SYNE2: variants seen among roughly 807,000 people sequenced by gnomAD.
SYNE2 encodes the protein nesprin-2.
A neutral mutation model predicts 856.3 loss-of-function variants in SYNE2; 431 were observed. That is an observed-to-expected ratio of 0.50 (90% confidence interval 0.47 to 0.55). SYNE2 has a LOEUF of 0.55. SYNE2 is among the 20% of genes least tolerant of loss of function. SYNE2 has a pLI of 0.00. For synonymous variants in SYNE2, 2,923 were observed against 2,872.3 expected (o/e 1.02, Z -0.56); for missense variants, 8,129 against 8,023.2 (o/e 1.01, Z -0.50).
At chr14:64,212,186 T>TG in intron 104 of SYNE2, 88 bp downstream of exon 104, 1 of 1,597,972 alleles carries the variant, frequency 6.3e-7, no homozygotes, top group Non-Finnish European at 8.5e-7. Flanking sequence ...CACGATACTC[T>TG]GAGAGCAAAT....
rs2275017 is a variant in SYNE2, at chr14:63,909,170, C to T, written c.22C>T (p.Pro8Ser). 3.6e-4 allele frequency: 579 copies of T among 1,612,932 alleles called. 4 individuals carry two copies. The East Asian group carries it at 0.011, about 31-fold the overall frequency. Residue 8 changes from proline to serine, a missense_variant, in exon 2 of 116, where the codon CCC becomes TCC. This residue lies in a region of SYNE2 where 2,422 missense variants were observed against 2,357.4 expected (regional missense o/e 1.03). Coordinates refer to ENST00000555002, the MANE Select transcript of SYNE2 (RefSeq NM_182914.3). ...AAGAATGGCATCTAGTCCTGAGCTT[C>T]CCACCGAAGATGAACAGGGTTCCTG... MASSPEL[P>S]TEDEQGSWGI...
At chr14:63,828,244 C>A (rs549540989) in intron 1 of SYNE2, among the ~76,000 whole-genome samples, 1 of 151,746 alleles carries the variant, frequency 6.6e-6, no homozygotes, top group African/African-American at 2.4e-5. Flanking sequence ...AGATAACATA[C>A]AACAATAAAA....
At chr14:63,868,430 A>G (rs1245971499) in intron 1 of SYNE2, among the ~76,000 whole-genome samples, 1 of 151,810 alleles carries the variant, frequency 6.6e-6, no homozygotes, top group East Asian at 1.9e-4. Flanking sequence ...AGCCGAGATC[A>G]TGCCACTGCA....
rs187880823 is a variant in SYNE2 at position 63,973,706 on chromosome 14, A to G, written c.1129-2857A>G. ...CTTTTGAGAAAATTAAACTTGCAAG[A>G]TAAAAACAAGCAAAACAAAATGGAA... On this transcript the variant is annotated intron_variant, in intron 11 of 115. Coordinates refer to ENST00000555002, the MANE Select transcript of SYNE2 (RefSeq NM_182914.3). Among the ~76,000 whole-genome samples, 14 of 152,144 alleles carry G rather than the reference A, an allele frequency of 9.2e-5. No individual in the cohort carries two copies. In the East Asian group the frequency reaches 2.5e-3, roughly 27 times the overall value.
At chr14:64,108,212 C>A (rs1245109220) in intron 65 of SYNE2, among the ~76,000 whole-genome samples, 1 of 152,040 alleles carries the variant, frequency 6.6e-6, no homozygotes, top group Non-Finnish European at 1.5e-5. Flanking sequence ...ATTAGCCGGG[C>A]GTGGTGGCAC....
chr14:63,823,804 A>G (rs1182052819), intron 1 of SYNE2, among the ~76,000 whole-genome samples: 1 of 151,796 alleles, frequency 6.6e-6, no homozygotes, highest in Non-Finnish European at 1.5e-5. Flanking sequence ...GCCAGCTAAT[A>G]TTTTTTATTC....
chr14:63,986,709 C>G (rs1266557706), intron 19 of SYNE2, 92 bp downstream of exon 19: 1 of 1,327,232 alleles, frequency 7.5e-7, no homozygotes, highest in Non-Finnish European at 1.1e-6. Context: ...TAGTAATAAG[C>G]CTACAGTTTT....
intron 1 of SYNE2, among the ~76,000 whole-genome samples, chr14:63,856,017 G>T (rs1361614874): frequency 6.6e-6 from 1 of 152,182 alleles, no homozygotes; most frequent in Non-Finnish European, 1.5e-5. Flanking sequence ...GGCATAAGAG[G>T]TTGTAGAGAG....
intron 66 of SYNE2, among the ~76,000 whole-genome samples, chr14:64,115,896 G>A (rs2097850354): frequency 2.0e-5 from 3 of 152,208 alleles, no homozygotes; most frequent in Non-Finnish European, 2.9e-5. Context: ...GCTCACGCCT[G>A]TAATCCCAGC....
intron 1 of SYNE2, among the ~76,000 whole-genome samples, chr14:63,840,504 C>T (rs1336069220): frequency 6.9e-6 from 1 of 144,576 alleles, no homozygotes. Flanking sequence ...CTCCTCCTTC[C>T]TTCCTTCCTT....
Position 63,961,553 on chromosome 14 carries a change from G to A in SYNE2, c.816G>A (p.Lys272=). Residue 272 remains lysine (K), a synonymous_variant, in exon 9 of 116, where the codon AAG becomes AAA. Coordinates refer to ENST00000555002, the MANE Select transcript of SYNE2 (RefSeq NM_182914.3). ...EDVDVVDPDE[K]SIMTYVAQFL... ...TGGATGTTGTTGATCCTGATGAAAA[G>A]TCCATCATGACCTATGTGGCACAGT... 6.2e-7 allele frequency: 1 copy of A among 1,614,034 alleles called. No homozygotes were observed. Among genetic ancestry groups the A allele is most frequent in the Admixed American group, 1.7e-5 (1 of 60,010 alleles).
rs2096961696 is a variant in SYNE2, at chr14:64,024,446, C to G, written c.5827C>G (p.Gln1943Glu). The G allele has an allele frequency of 1.2e-6, 2 of 1,613,668 alleles. No homozygotes were observed. Among genetic ancestry groups the G allele is most frequent in the Non-Finnish European group, 1.7e-6 (2 of 1,179,724 alleles). The part of the protein sequence containing the change: ...ARAKELEDSL[Q>E]QLLRLQDDHR... ...AGCAAAGGAGCTTGAAGACTCCTTG[C>G]AGCAGCTACTGAGGTAGGAAATAAA... The change falls in exon 39 of 116, where the codon CAG becomes GAG. Residue 1943 changes from glutamine to glutamate, a missense_variant. Coordinates refer to ENST00000555002, the MANE Select transcript of SYNE2 (RefSeq NM_182914.3).
rs780016521 is a variant in SYNE2 at position 64,098,034 on chromosome 14, T to C, written c.12194T>C (p.Leu4065Pro). The C allele has an allele frequency of 3.1e-6, 5 of 1,614,210 alleles. No homozygotes were observed. In the East Asian group the frequency reaches 1.1e-4, roughly 36 times the overall value. Residue 4065 changes from leucine to proline, a missense_variant, in exon 62 of 116, where the codon CTA becomes CCA. Physicochemically the swap from Leu to Pro is moderately conservative, Grantham distance 98. Coordinates refer to ENST00000555002, the MANE Select transcript of SYNE2 (RefSeq NM_182914.3). ...DLLVDLKATV[L>P]NLHQHLKQEQ... ...TTGGTGGACTTGAAGGCCACCGTACTAAACCTTCACCAGCATTTGAAGCAA... is the reference window on the plus strand; with the variant it reads ...TTGGTGGACTTGAAGGCCACCGTACCAAACCTTCACCAGCATTTGAAGCAA...
chr14:63,962,308 G>A (rs2096330151), intron 9 of SYNE2, among the ~76,000 whole-genome samples: 1 of 151,910 alleles, frequency 6.6e-6, no homozygotes, highest in Non-Finnish European at 1.5e-5. Flanking sequence ...CACCCACCTC[G>A]GCCTCCCAAA....
chr14:64,025,180 G>A lies in SYNE2; in HGVS notation c.6011G>A (p.Gly2004Glu), dbSNP rs771507854. 1.3e-5 allele frequency: 21 copies of A among 1,614,050 alleles called. No individual in the cohort carries two copies. The Admixed American group carries it at 3.5e-4, about 27-fold the overall frequency. The change falls in exon 41 of 116, where the codon GGG becomes GAG. Residue 2004 changes from glycine (G) to glutamate (E), a missense_variant. Gly to Glu is a moderately conservative substitution (Grantham distance 98). Around this residue, in one of 3 missense-constraint regions of SYNE2, gnomAD observed 2,422 missense variants for 2,357.4 expected, o/e 1.03. Transcript: ENST00000555002. Reference protein sequence around the residue: ...AQLNNSLKEYGFTEEEEIIME... With the variant: ...AQLNNSLKEYEFTEEEEIIME... The stretch of plus-strand genomic sequence containing the variant: ...TTGAACAACTCTTTGAAGGAATATG[G>A]GTTTACTGAAGAAGAAGAAATAATA...
chr14:63,876,511 C>T (rs7149766), intron 1 of SYNE2, among the ~76,000 whole-genome samples: 2 of 149,768 alleles, frequency 1.3e-5, no homozygotes, highest in Non-Finnish European at 1.5e-5. Context: ...TTTTTGAGAC[C>T]GAGTCTCGCT....
chr14:63,991,088 C>G lies in SYNE2; in HGVS notation c.2619C>G (p.Ser873Arg), dbSNP rs1421579441. ...AGCAGTTACTGGGGCAAAGAGAGAG[C>G]CCCGGTGAACTCATTTCAAAACACA... ...RAQQLLGQRESPGELISKHKE... is the reference protein window; with the variant it reads ...RAQQLLGQRERPGELISKHKE... The change falls in exon 21 of 116, where the codon AGC becomes AGG. Residue 873 changes from serine (S) to arginine (R), a missense_variant. Physicochemically the swap from Ser to Arg is moderately radical, Grantham distance 110. Around this residue, in one of 3 missense-constraint regions of SYNE2, gnomAD observed 2,422 missense variants for 2,357.4 expected, o/e 1.03. Coordinates refer to ENST00000555002, the MANE Select transcript of SYNE2 (RefSeq NM_182914.3). 1.2e-6 allele frequency: 2 copies of G among 1,613,914 alleles called. No homozygotes were observed. Among genetic ancestry groups the G allele is most frequent in the Non-Finnish European group, 1.7e-6 (2 of 1,179,974 alleles).
At chr14:63,863,225 C>T (rs1242121817) in intron 1 of SYNE2, among the ~76,000 whole-genome samples, 2 of 151,986 alleles carry the variant, frequency 1.3e-5, no homozygotes, top group South Asian at 2.1e-4. Context: ...AAAATCCGTT[C>T]GTCTTAGTCA....
At chr14:64,062,716 T>C (rs777100580) in intron 49 of SYNE2, 35 bp from the exon 50 acceptor site, 3 of 1,582,070 alleles carry the variant, frequency 1.9e-6, no homozygotes, top group Non-Finnish European at 2.6e-6. Flanking sequence ...TAAATAAAAT[T>C]TAATACCACT....
Sources: allele counts gnomAD v4.1 joint callset (sites outside exome capture counted in the v4.1 genomes callset), GRCh38; gene constraint gnomAD v4.1.1; regional missense constraint gnomAD v4.1.1; transcripts MANE v1.5; gene names NCBI Gene and HGNC (gene_info 2026-07-23, HGNC 2026-07-21).